Variants in NSMCE2 observed in about 807,000 individuals in gnomAD.
NSMCE2 encodes E3 SUMO-protein ligase NSE2.
NSMCE2 carries 24 observed loss-of-function variants against 23.8 expected under a neutral mutation model. The observed-to-expected ratio is 1.01, with a 90% CI of 0.73 to 1.42. The LOEUF (loss-of-function observed/expected upper bound fraction) is 1.42, where lower values mean the gene tolerates loss of function less well. Among genes scored for constraint, NSMCE2 ranks in the 40% most tolerant of loss-of-function variants. The pLI, the probability that NSMCE2 is intolerant of heterozygous loss-of-function variation, is 0.00. For synonymous variants in NSMCE2, 92 were observed against 94.1 expected, an observed-to-expected ratio of 0.98 and a Z score of 0.13; for missense variants, 284 against 296.5, an observed-to-expected ratio of 0.96 and a Z score of 0.31.
intron 1 of NSMCE2, among the ~76,000 whole-genome samples, chr8:125,100,761 A>G (rs563136797): frequency 6.8e-4 from 104 of 152,008 alleles, no homozygotes; most frequent in Admixed American, 2.0e-4. Flanking sequence ...GGGTTTTGCC[A>G]TGTTGGCCAT....
chr8:125,106,897 G>A (rs1818487328), intron 3 of NSMCE2, among the ~76,000 whole-genome samples: 3 of 151,366 alleles, frequency 2.0e-5, no homozygotes, highest in Admixed American at 1.3e-4. Flanking sequence ...TCGGGAGGCT[G>A]AGGCAGGAGA....
At position 125,115,970 on chromosome 8, in the gene NSMCE2, T is replaced by C. The variant is rs184532112; in HGVS notation, c.157+13483T>C. On this transcript the variant is annotated intron_variant, in intron 3 of 7. Coordinates refer to ENST00000287437, the MANE Select transcript of NSMCE2 (RefSeq NM_173685.4). Reference sequence around the variant, plus strand: ...GAAGGGGAAATTAGGCTCATTGAATTGAAACAACTTACCATAAGGCACACA... The same window carrying C: ...GAAGGGGAAATTAGGCTCATTGAATCGAAACAACTTACCATAAGGCACACA... Among the ~76,000 whole-genome samples the C allele has an allele frequency of 3.9e-5, 6 of 152,304 alleles. No homozygotes were observed. The East Asian group carries it at 1.2e-3, about 29-fold the overall frequency.
rs1215065246 is a variant in NSMCE2 at position 125,357,261 on chromosome 8, T to C, written c.461T>C (p.Val154Ala). The C allele has an allele frequency of 6.2e-7, 1 of 1,613,440 alleles. No individual in the cohort carries two copies. Among genetic ancestry groups the C allele is most frequent in the Admixed American group, 1.7e-5 (1 of 59,970 alleles). The change falls in exon 6 of 8, where the codon GTG becomes GCG. Residue 154 changes from valine (V) to alanine (A), a missense_variant. By Grantham distance (64) the Val-to-Ala change is moderately conservative. Coordinates refer to ENST00000287437, the MANE Select transcript of NSMCE2 (RefSeq NM_173685.4). ...ADREADGTEG[V>A]DEDIIVTQSQ... is the part of the protein sequence containing the mutation. ...AGAGAAGCTGACGGAACAGAAGGAG[T>C]GGATGAAGATATAATTGTGACCCAA... is the stretch of plus-strand genomic sequence containing the variant.
chr8:125,309,950 G>C (rs962651143), intron 5 of NSMCE2, among the ~76,000 whole-genome samples: 12 of 152,190 alleles, frequency 7.9e-5, no homozygotes, highest in African/African-American at 2.9e-4. Flanking sequence ...TTAAAGCTCT[G>C]CTGTGAGAAA....
intron 4 of NSMCE2, among the ~76,000 whole-genome samples, chr8:125,175,110 G>A (rs920034238): frequency 2.0e-5 from 3 of 152,054 alleles, no homozygotes; most frequent in African/African-American, 7.2e-5. Context: ...TGCCTTTTAA[G>A]AACAACTTTA....
chr8:125,112,744 G>A (rs973620707), intron 3 of NSMCE2, among the ~76,000 whole-genome samples: 1 of 152,144 alleles, frequency 6.6e-6, no homozygotes, highest in African/African-American at 2.4e-5. Flanking sequence ...TTGGGGAAGG[G>A]AAGGGTGGGA....
intron 5 of NSMCE2, among the ~76,000 whole-genome samples, chr8:125,281,309 A>G (rs778405171): frequency 2.0e-4 from 30 of 152,206 alleles, no homozygotes; most frequent in Non-Finnish European, 3.7e-4. Context: ...TTGGAGACAA[A>G]ATCAATTTGA....
Position 125,197,048 on chromosome 8 carries a change from G to T in NSMCE2, c.418+14792G>T, listed in dbSNP as rs182911949. ...CCTTTGCCCACTTTTTAATGGGGTT[G>T]TTTTTTTCTTGTAAATTTGTTTAAG... On this transcript the variant is annotated intron_variant, in intron 5 of 7. Transcript: ENST00000287437. 2.4e-3 allele frequency among the ~76,000 whole-genome samples: 310 copies of T among 130,566 alleles called. 2 individuals carry two copies. Among genetic ancestry groups the T allele is most frequent in the Non-Finnish European group, 2.8e-3 (163 of 57,658 alleles). 85.7% of individuals were successfully genotyped at this position (130,566 alleles called of 152,430 possible).
intron 5 of NSMCE2, among the ~76,000 whole-genome samples, chr8:125,329,588 C>G (rs1829798746): frequency 6.6e-6 from 1 of 152,170 alleles, no homozygotes; most frequent in South Asian, 2.1e-4. Context: ...AGCAACACAC[C>G]TGTCTAGCTT....
intron 5 of NSMCE2, among the ~76,000 whole-genome samples, chr8:125,229,502 G>C (rs1332592499): frequency 1.3e-5 from 2 of 152,146 alleles, no homozygotes; most frequent in African/African-American, 4.8e-5. Flanking sequence ...AGAAAGGGTG[G>C]AAGAGAATCT....
At chr8:125,340,297 T>G (rs2131323623) in intron 5 of NSMCE2, among the ~76,000 whole-genome samples, 1 of 152,362 alleles carries the variant, frequency 6.6e-6, no homozygotes, top group Admixed American at 6.5e-5. Context: ...GTGAAAATGC[T>G]ACTCGACTGT....
At chr8:125,269,419 A>G (rs1387708745) in intron 5 of NSMCE2, among the ~76,000 whole-genome samples, 2 of 152,190 alleles carry the variant, frequency 1.3e-5, no homozygotes, top group African/African-American at 4.8e-5. Context: ...GCTGGTTCAT[A>G]TATGGCTGAT....
intron 5 of NSMCE2, among the ~76,000 whole-genome samples, chr8:125,298,028 A>G (rs1828395637): frequency 6.6e-6 from 1 of 152,230 alleles, no homozygotes. Context: ...TGGGAGGCTT[A>G]GGCAGGTGGA....
chr8:125,346,092 G>A (rs1401736011), intron 5 of NSMCE2, among the ~76,000 whole-genome samples: 1 of 152,180 alleles, frequency 6.6e-6, no homozygotes, highest in African/African-American at 2.4e-5. Context: ...AGGAGGCAAA[G>A]GTTGCAGTGA....
At chr8:125,320,301 GAA>G in intron 5 of NSMCE2, among the ~76,000 whole-genome samples, 1 of 123,326 alleles carries the variant, frequency 8.1e-6, no homozygotes, top group African/African-American at 2.9e-5. Context: ...AGGAAGGAAG[GAA>G]GGAAGGGAAG....
chr8:125,150,657 C>T (rs182175383), intron 3 of NSMCE2, among the ~76,000 whole-genome samples: 29 of 152,182 alleles, frequency 1.9e-4, no homozygotes, highest in African/African-American at 6.3e-4. Flanking sequence ...ACTAGGATTA[C>T]AGACGTTAGT....
At chr8:125,188,914 G>A (rs888443620) in intron 5 of NSMCE2, among the ~76,000 whole-genome samples, 1 of 152,184 alleles carries the variant, frequency 6.6e-6, no homozygotes, top group Non-Finnish European at 1.5e-5. Flanking sequence ...ACTAGTGATT[G>A]GAAAGGTATG....
chr8:125,107,127 C>G (rs1818500973), intron 3 of NSMCE2, among the ~76,000 whole-genome samples: 1 of 151,896 alleles, frequency 6.6e-6, no homozygotes. Flanking sequence ...GATACCCAAA[C>G]CTGAATAACC....
chr8:125,196,679 T>C (rs10097568), intron 5 of NSMCE2, among the ~76,000 whole-genome samples: 24,267 of 152,212 alleles, frequency 0.16, 2,952 homozygotes, highest in African/African-American at 0.34. Context: ...CATGTGTCTT[T>C]ACGGTAGCAT....
Sources: gnomAD v4.1 joint callset for allele counts (sites outside exome capture counted in the v4.1 genomes callset) on GRCh38, gnomAD v4.1.1 for gene constraint, MANE v1.5 for transcripts, NCBI Gene and HGNC (gene_info 2026-07-23, HGNC 2026-07-21) for gene names.